ABHD3: variants seen among roughly 807,000 people sequenced by gnomAD.
ABHD3 encodes phospholipase ABHD3.
In ABHD3, 46 loss-of-function variants were observed where a neutral mutation model predicts 48.8. The ratio of observed to expected loss-of-function variants is 0.94; its 90% CI spans 0.74 to 1.20. The LOEUF (loss-of-function observed/expected upper bound fraction) is 1.20. ABHD3 is among the 50% of genes most tolerant of loss of function. The probability of loss-of-function intolerance (pLI) is 0.00; values close to 1 mark genes in which losing one functional copy is unlikely to be tolerated. For synonymous variants in ABHD3, 192 were observed against 183.7 expected, an observed-to-expected ratio of 1.04 and a Z score of -0.36; for missense variants, 490 against 497.8, an observed-to-expected ratio of 0.98 and a Z score of 0.15.
chr18:21,680,573 T>A (rs2039981689), intron 4 of ABHD3, among the ~76,000 whole-genome samples: 1 of 152,120 alleles, frequency 6.6e-6, no homozygotes, highest in African/African-American at 2.4e-5. Flanking sequence ...AGACACATAT[T>A]TGCTGGGGGG....
chr18:21,658,261 T>G (rs939343720), intron 6 of ABHD3, among the ~76,000 whole-genome samples: 8 of 151,932 alleles, frequency 5.3e-5, no homozygotes, highest in Admixed American at 5.2e-4. Flanking sequence ...CAGAGAAAAC[T>G]AATGCAAAGA....
intron 4 of ABHD3, among the ~76,000 whole-genome samples, chr18:21,680,705 A>T (rs570659696): frequency 6.6e-6 from 1 of 152,278 alleles, no homozygotes; most frequent in South Asian, 2.1e-4. Context: ...ATTAAAGCTT[A>T]TGGGCTGAAA....
At chr18:21,657,834 A>G (rs948272892) in intron 6 of ABHD3, among the ~76,000 whole-genome samples, 1 of 152,180 alleles carries the variant, frequency 6.6e-6, no homozygotes, top group Non-Finnish European at 1.5e-5. Flanking sequence ...CATGTACCTC[A>G]TAAATATATA....
At chr18:21,652,391 TAAAG>T (rs1215482509) in intron 8 of ABHD3, among the ~76,000 whole-genome samples, 2 of 132,386 alleles carry the variant, frequency 1.5e-5, no homozygotes, top group Admixed American at 1.5e-4. Context: ...CAAAGAAAAA[TAAAG>T]AACGAAAGAA....
At chr18:21,686,631 A>G (rs904924440) in intron 3 of ABHD3, among the ~76,000 whole-genome samples, 2 of 152,240 alleles carry the variant, frequency 1.3e-5, no homozygotes, top group African/African-American at 4.8e-5. Flanking sequence ...TCACCACTCC[A>G]TAAGGCTTTG....
At chr18:21,703,213 A>ACCCCCCCCCCCCCCCC (rs1225579394) in intron 2 of ABHD3, among the ~76,000 whole-genome samples, 8 of 61,934 alleles carry the variant, frequency 1.3e-4, no homozygotes, top group Non-Finnish European at 1.7e-4. Context: ...CATCCTTCTC[A>ACCCCCCCCCCCCCCCC]CCCCACCCCC....
intron 3 of ABHD3, among the ~76,000 whole-genome samples, chr18:21,694,245 G>C (rs2040317057): frequency 6.6e-6 from 1 of 152,056 alleles, no homozygotes; most frequent in South Asian, 2.1e-4. Context: ...ATAGGTGGGG[G>C]CCACCATACC....
At chr18:21,674,881 C>A (rs185868870) in intron 4 of ABHD3, among the ~76,000 whole-genome samples, 250 of 151,966 alleles carry the variant, frequency 1.6e-3, no homozygotes, top group Middle Eastern at 0.01. Flanking sequence ...TCCTTTAATC[C>A]TTTCTAAATG....
intron 4 of ABHD3, among the ~76,000 whole-genome samples, chr18:21,664,897 C>T (rs997792127): frequency 6.6e-5 from 10 of 152,168 alleles, no homozygotes; most frequent in South Asian, 2.1e-4. Flanking sequence ...GGCCCCCCAA[C>T]GTGTTGGGAT....
In ABHD3 at chr18:21,651,384, C is replaced by G; in HGVS notation, c.*207G>C. On this transcript the variant is annotated 3_prime_UTR_variant, in exon 9 of 9. Transcript: ENST00000289119. ...TGGTAAGGCATAGTAAAAATAAAAT[C>G]TACGTAAGTAACAATCTAATACTAT... 1 of 430,656 alleles carries G rather than the reference C, an allele frequency of 2.3e-6. No individual in the cohort carries two copies. The highest frequency in any genetic ancestry group is 4.0e-5 in the East Asian group (1 of 24,810). The allele number at this position is 430,656 out of a possible 1,614,324, so 26.7% of individuals were successfully genotyped here. A position where few individuals can be genotyped will look rare whatever the true frequency, so the allele number is the denominator to read the frequency against.
At chr18:21,671,735 A>G (rs2039761862) in intron 4 of ABHD3, among the ~76,000 whole-genome samples, 2 of 152,212 alleles carry the variant, frequency 1.3e-5, no homozygotes, top group South Asian at 4.1e-4. Context: ...GATAATTACA[A>G]GCCAAGGTTG....
intron 4 of ABHD3, among the ~76,000 whole-genome samples, chr18:21,672,475 T>C (rs1269357618): frequency 6.6e-6 from 1 of 152,252 alleles, no homozygotes; most frequent in African/African-American, 2.4e-5. Flanking sequence ...TAATGTTTGA[T>C]GATCATCAGG....
intron 3 of ABHD3, among the ~76,000 whole-genome samples, chr18:21,687,553 T>C (rs2040155785): frequency 6.6e-6 from 1 of 152,202 alleles, no homozygotes; most frequent in African/African-American, 2.4e-5. Flanking sequence ...AATTAATTTT[T>C]ACAGTTACCT....
intron 8 of ABHD3, among the ~76,000 whole-genome samples, chr18:21,654,584 G>C (rs938006443): frequency 3.3e-5 from 5 of 152,202 alleles, no homozygotes; most frequent in Admixed American, 2.0e-4. Flanking sequence ...GGGAACTTAA[G>C]GGGGAATGGC....
chr18:21,669,142 A>G (rs1330328360), intron 4 of ABHD3, among the ~76,000 whole-genome samples: 1 of 152,180 alleles, frequency 6.6e-6, no homozygotes, highest in Non-Finnish European at 1.5e-5. Context: ...TGGGAGGTAG[A>G]GGCTGCAGTG....
chr18:21,702,349 T>C lies in ABHD3; in HGVS notation c.476A>G (p.His159Arg), dbSNP rs143380197. The change falls in exon 3 of 9, where the codon CAT becomes CGT. Residue 159 changes from histidine (H) to arginine (R), a missense_variant. Coordinates refer to ENST00000289119, the MANE Select transcript of ABHD3 (RefSeq NM_138340.5). ...TGTSKESYILHMIHLSEELGY... is the reference protein window; with the variant it reads ...TGTSKESYILRMIHLSEELGY... ...TAATTCTTCACTAAGATGGATCATA[T>C]GAAGGATATATGACTCCTTGCTTGT... The C allele has an allele frequency of 1.2e-6, 2 of 1,608,258 alleles. No individual in the cohort carries two copies. The highest frequency in any genetic ancestry group is 1.7e-6 in the Non-Finnish European group (2 of 1,177,692).
intron 3 of ABHD3, among the ~76,000 whole-genome samples, chr18:21,694,118 A>AT (rs1377399174): frequency 5.9e-5 from 9 of 151,768 alleles, no homozygotes; most frequent in African/African-American, 1.2e-4. Context: ...ATTTATTTTT[A>AT]TTTTTTTTGA....
chr18:21,683,254 T>C lies in ABHD3; in HGVS notation c.555+666A>G, dbSNP rs559823649. On this transcript the variant is annotated intron_variant, in intron 4 of 8. Transcript: ENST00000289119. ...ATATTTCTCATTCCAACTCACGGAT[T>C]TAAAGATCAGATAGAGTGATTTTCT... Among the ~76,000 whole-genome samples the C allele has an allele frequency of 1.5e-4, 23 of 152,296 alleles. No individual in the cohort carries two copies. The South Asian group carries it at 4.8e-3, about 32-fold the overall frequency.
chr18:21,664,401 T>C, intron 4 of ABHD3, 171 bp from the exon 5 acceptor site: 1 of 614,234 alleles, frequency 1.6e-6, no homozygotes, highest in South Asian at 2.5e-5. Context: ...CGCACATACA[T>C]GCCATTTAAA....
Sources: gnomAD v4.1 joint callset for allele counts (sites outside exome capture counted in the v4.1 genomes callset) on GRCh38, gnomAD v4.1.1 for gene constraint, MANE v1.5 for transcripts, NCBI Gene and HGNC (gene_info 2026-07-23, HGNC 2026-07-21) for gene names.